Variants in RPGR observed in about 807,000 individuals in gnomAD.
RPGR encodes retinitis pigmentosa GTPase regulator, also known as X-linked retinitis pigmentosa GTPase regulator.
RPGR carries 10 observed loss-of-function variants against 56.3 expected under a neutral mutation model. The ratio of observed to expected loss-of-function variants is 0.18; its 90% CI spans 0.11 to 0.30. The LOEUF is 0.30. RPGR is among the 10% of genes least tolerant of loss of function. The pLI, the probability that RPGR is intolerant of heterozygous loss-of-function variation, is 1.00. For synonymous variants in RPGR, 197 were observed against 212.9 expected (o/e 0.93, Z 0.65); for missense variants, 538 against 590.9 (o/e 0.91, Z 0.93).
intron 14 of RPGR, 151 bp downstream of exon 14, chrX:38,287,710 T>C (rs1324912090): frequency 1.8e-6 from 1 of 564,501 alleles, no homozygotes; most frequent in Non-Finnish European, 3.0e-6. Flanking sequence ...TGCTTCTGAT[T>C]CCTTCTGACT....
In RPGR at chrX:38,269,751, T is replaced by G; in HGVS notation, c.2323A>C (p.Ile775Leu). The G allele has an allele frequency of 8.3e-7, 1 of 1,209,690 alleles. No homozygotes were observed. The highest frequency in any genetic ancestry group is 1.1e-6 in the Non-Finnish European group (1 of 893,589). Residue 775 changes from isoleucine (I) to leucine (L), a missense_variant, in exon 19 of 19, where the codon ATA (isoleucine) becomes CTA (leucine). By Grantham distance (5) the Ile-to-Leu change is conservative. Transcript: ENST00000642395. ...CTTTTTAAAATGATCTGGTCTCCTA[T>G]GGATTTTATCTCTGGGAGCGGCTCA...
Position 38,276,541 on chromosome X carries a change from T to C in RPGR, c.2091+46A>G, listed in dbSNP as rs762872850. 39 of 1,167,599 alleles carry C rather than the reference T, an allele frequency of 3.3e-5. No homozygotes were observed. In the East Asian group the frequency reaches 4.8e-4, roughly 14 times the overall value. ...TCCTCTGCAGAAACTAGAGAACCCA[T>C]ATGTTTTCTCCCAGGATCTCAGGAT... On this transcript the variant is annotated intron_variant, in intron 16 of 18. Transcript: ENST00000642395.
chrX:38,287,304 A>C (rs779358459), intron 14 of RPGR, 59 bp from the exon 15 acceptor site: 13 of 1,198,793 alleles, frequency 1.1e-5, no homozygotes, highest in Non-Finnish European at 1.5e-5. Context: ...TTATGGGTTT[A>C]GTCTCTTTTT....
chrX:38,273,418 T>C lies in RPGR; in HGVS notation c.2209A>G (p.Thr737Ala). Residue 737 changes from threonine (T) to alanine (A), a missense_variant, in exon 18 of 19, where the codon ACA (threonine) becomes GCA (alanine). Around this residue, in one of 2 missense-constraint regions of RPGR, gnomAD observed 357 missense variants for 325.8 expected, o/e 1.10. Coordinates refer to ENST00000642395, the MANE Select transcript of RPGR (RefSeq NM_000328.3). ...GTTTTTTTCATGTCTTTGCTTGGTGTTGTTTCACTGTTTTCTAGGATTTCT... is the reference window on the plus strand; with the variant it reads ...GTTTTTTTCATGTCTTTGCTTGGTGCTGTTTCACTGTTTTCTAGGATTTCT... 1 of 1,206,489 alleles carries C rather than the reference T, an allele frequency of 8.3e-7. No homozygotes were observed. The highest frequency in any genetic ancestry group is 1.1e-6 in the Non-Finnish European group (1 of 891,986).
intron 4 of RPGR, among the ~76,000 whole-genome samples, chrX:38,319,982 A>C (rs1263926470): frequency 8.9e-6 from 1 of 111,771 alleles, no homozygotes; most frequent in African/African-American, 3.3e-5. Context: ...TGGGGAAACA[A>C]GACTAGCTTT....
intron 7 of RPGR, among the ~76,000 whole-genome samples, chrX:38,310,329 A>T (rs113729933): frequency 2.9e-4 from 32 of 111,395 alleles, no homozygotes; most frequent in African/African-American, 9.8e-4. Flanking sequence ...ATAGAGGCTA[A>T]TAATAAAATG....
intron 17 of RPGR, chrX:38,275,062 T>C: frequency 8.8e-7 from 1 of 1,134,251 alleles, no homozygotes; most frequent in South Asian, 1.8e-5. Flanking sequence ...TGTATGTATA[T>C]ATGTATGTTA....
At chrX:38,305,037 T>C (rs1019259525) in intron 7 of RPGR, among the ~76,000 whole-genome samples, 6 of 112,245 alleles carry the variant, frequency 5.3e-5, no homozygotes, top group Admixed American at 2.8e-4. Context: ...TACATAACCA[T>C]AGTTAGGTAA....
intron 7 of RPGR, among the ~76,000 whole-genome samples, chrX:38,309,481 ATTGT>A (rs988688134): frequency 4.4e-5 from 5 of 112,557 alleles, no homozygotes; most frequent in South Asian, 3.6e-4. Context: ...CATGAGAAAA[ATTGT>A]TTGTCCCTGA....
intron 11 of RPGR, among the ~76,000 whole-genome samples, chrX:38,295,404 G>A (rs2067357556): frequency 8.9e-6 from 1 of 112,375 alleles, no homozygotes; most frequent in African/African-American, 3.2e-5. Context: ...GTTTTCTTAA[G>A]AGAGTGTTAG....
At chrX:38,310,528 A>G in intron 7 of RPGR, 87 bp downstream of exon 7, 2 of 955,541 alleles carry the variant, frequency 2.1e-6, no homozygotes, top group Non-Finnish European at 1.5e-6. Flanking sequence ...CCACAATAAA[A>G]AAATGAACAT....
intron 15 of RPGR, among the ~76,000 whole-genome samples, chrX:38,277,472 CTT>C (rs765674122): frequency 9.8e-6 from 1 of 101,573 alleles, no homozygotes. Flanking sequence ...ACTGAGATTT[CTT>C]TTTTTTTTTT....
chrX:38,302,901 C>T (rs935883887), intron 8 of RPGR, among the ~76,000 whole-genome samples: 2 of 105,512 alleles, frequency 1.9e-5, no homozygotes, highest in African/African-American at 7.0e-5. Context: ...ACCTCTGCCT[C>T]CCGGGTTCAA....
intron 11 of RPGR, among the ~76,000 whole-genome samples, chrX:38,292,638 TCTATATTTAA>T (rs1045894358): frequency 8.9e-6 from 1 of 112,699 alleles, no homozygotes; most frequent in African/African-American, 3.2e-5. Flanking sequence ...TTTTTTATCG[TCTATATTTAA>T]GGTATAAAAC....
In RPGR at chrX:38,318,845, A is replaced by G; in HGVS notation, c.453T>C (p.Thr151=). Reference sequence around the variant, plus strand: ...AAGTCTCACCAGTTAGGGCAGCTGAAGTATTAGATCCAGCAGACAGCTGCT... The same window carrying G: ...AAGTCTCACCAGTTAGGGCAGCTGAGGTATTAGATCCAGCAGACAGCTGCT... The change falls in exon 5 of 19, where the codon ACT becomes ACC. Residue 151 remains threonine, a synonymous_variant. Coordinates refer to ENST00000642395, the MANE Select transcript of RPGR (RefSeq NM_000328.3). The G allele has an allele frequency of 8.3e-7, 1 of 1,212,004 alleles. No homozygotes were observed. The highest frequency in any genetic ancestry group is 1.1e-6 in the Non-Finnish European group (1 of 895,457).
chrX:38,272,439 C>T (rs966316911), intron 18 of RPGR: 2 of 110,672 alleles, frequency 1.8e-5, no homozygotes, highest in African/African-American at 6.6e-5. Flanking sequence ...ACTAAAAGTA[C>T]AAAATCAGCC....
At chrX:38,287,462 C>T in intron 14 of RPGR, 1 of 561,835 alleles carries the variant, frequency 1.8e-6, no homozygotes, top group Non-Finnish European at 3.1e-6. Flanking sequence ...CTTGCACCTT[C>T]CATGTAACTG....
At chrX:38,291,629 A>G (rs1266473104) in intron 11 of RPGR, 145 bp from the exon 12 acceptor site, 4 of 416,677 alleles carry the variant, frequency 9.6e-6, no homozygotes, top group Middle Eastern at 5.9e-4. Context: ...GGGAAATTGA[A>G]AAGAATTCAT....
At chrX:38,285,666 T>A (rs764808871) in intron 15 of RPGR, 1 of 1,211,691 alleles carries the variant, frequency 8.3e-7, no homozygotes, top group Non-Finnish European at 1.1e-6. Context: ...CATTTCCCTG[T>A]GTGTTAGTAA....
Sources: gnomAD v4.1 joint callset for allele counts (sites outside exome capture counted in the v4.1 genomes callset) on GRCh38, gnomAD v4.1.1 for gene constraint, gnomAD v4.1.1 regional missense constraint, MANE v1.5 for transcripts, NCBI Gene and HGNC (gene_info 2026-07-23, HGNC 2026-07-21) for gene names.